The following OTUD7B variants were observed in gnomAD, a reference collection of about 807,000 sequenced individuals.
The protein encoded by OTUD7B is OTU deubiquitinase 7B, also known as OTU domain-containing protein 7B.
Under a neutral mutation model 82.2 loss-of-function variants are expected in OTUD7B, and 34 were observed. The ratio of observed to expected loss-of-function variants is 0.41; its 90% CI spans 0.31 to 0.55. OTUD7B has a LOEUF of 0.55. Ranked by LOEUF, OTUD7B falls within the 20% of genes least tolerant of loss-of-function variation. The pLI is 0.20. For synonymous variants in OTUD7B, 398 were observed against 402.7 expected, an observed-to-expected ratio of 0.99 and a Z score of 0.14; for missense variants, 944 against 1,062.1, an observed-to-expected ratio of 0.89 and a Z score of 1.55.
chr1:150,012,315 G>A (rs111319475), upstream of OTUD7B, among the ~76,000 whole-genome samples: 6 of 152,206 alleles, frequency 3.9e-5, no homozygotes, highest in South Asian at 2.1e-4. Flanking sequence ...AAAGGGTGTC[G>A]TTCTAGAAAG....
the OTUD7B span, among the ~76,000 whole-genome samples, chr1:150,043,770 T>C: frequency 1.3e-5 from 2 of 152,180 alleles, no homozygotes; most frequent in Non-Finnish European, 2.9e-5. Context: ...CATTTCCTCA[T>C]AGTCAAGGAT....
At chr1:150,018,200 G>T in the OTUD7B span, among the ~76,000 whole-genome samples, 1 of 152,196 alleles carries the variant, frequency 6.6e-6, no homozygotes, top group African/African-American at 2.4e-5. Context: ...CCTACGAAGG[G>T]ATCCATGGAT....
upstream of OTUD7B, among the ~76,000 whole-genome samples, chr1:150,011,528 G>A (rs1653063541): frequency 2.0e-5 from 3 of 152,180 alleles, no homozygotes; most frequent in Admixed American, 2.0e-4. Flanking sequence ...CTACCTGAGT[G>A]ACAATGAGCT....
the OTUD7B span, among the ~76,000 whole-genome samples, chr1:150,019,298 G>C: frequency 6.6e-6 from 1 of 152,206 alleles, no homozygotes; most frequent in Non-Finnish European, 1.5e-5. Flanking sequence ...TTCACACCCT[G>C]CCTGAAACTA....
chr1:149,990,791 T>TC (rs782562973), intron 1 of OTUD7B, among the ~76,000 whole-genome samples: 9 of 151,654 alleles, frequency 5.9e-5, no homozygotes, highest in Non-Finnish European at 1.0e-4. Context: ...AGGTCAGGAG[T>TC]TTGCGACCAG....
At chr1:150,029,877 C>T in the OTUD7B span, among the ~76,000 whole-genome samples, 2 of 152,202 alleles carry the variant, frequency 1.3e-5, no homozygotes, top group South Asian at 4.2e-4. Flanking sequence ...CTCTCCACAC[C>T]CCTCTTTTAG....
intron 3 of OTUD7B, among the ~76,000 whole-genome samples, chr1:149,968,895 G>A (rs1389814278): frequency 2.6e-5 from 4 of 151,582 alleles, no homozygotes; most frequent in Non-Finnish European, 5.9e-5. Context: ...TTTTATTTTA[G>A]CAGAGACGGG....
the OTUD7B span, among the ~76,000 whole-genome samples, chr1:150,025,945 T>G: frequency 2.0e-5 from 3 of 152,212 alleles, no homozygotes; most frequent in Non-Finnish European, 1.5e-5. Context: ...TTTGTCAGGT[T>G]GCAAGAAGGA....
upstream of OTUD7B, among the ~76,000 whole-genome samples, chr1:150,014,009 T>TAC (rs1235970964): frequency 8.4e-5 from 11 of 130,252 alleles, no homozygotes; most frequent in Non-Finnish European, 1.8e-4. Context: ...CACATATATA[T>TAC]ACACACACAT....
chr1:150,009,608 T>G (rs1553786870), intron 1 of OTUD7B, among the ~76,000 whole-genome samples: 3 of 152,124 alleles, frequency 2.0e-5, no homozygotes, highest in Non-Finnish European at 4.4e-5. Flanking sequence ...CACCAGTCAG[T>G]TTCTAATTTC....
chr1:149,992,486 T>TTTG (rs1651655687), intron 1 of OTUD7B, among the ~76,000 whole-genome samples: 2 of 1,402 alleles, frequency 1.4e-3, no homozygotes, highest in Non-Finnish European at 0.091. Flanking sequence ...TTTTTTTTTT[T>TTTG]TTTTTTTAGT....
intron 6 of OTUD7B, chr1:149,962,569 G>C (rs1357536478): frequency 1.3e-5 from 2 of 152,230 alleles, no homozygotes; most frequent in African/African-American, 4.8e-5. Flanking sequence ...CTGACTTTGA[G>C]AGGGAAAGGC....
chr1:150,055,029 G>A, the OTUD7B span: 1 of 189,748 alleles, frequency 5.3e-6, no homozygotes, highest in Non-Finnish European at 1.0e-5. Flanking sequence ...ACAAATTGGT[G>A]TTCTAAATTT....
chr1:149,953,556 TTAAAG>T lies in OTUD7B; in HGVS notation c.846-3340_846-3336del, dbSNP rs1648433868. On this transcript the variant is annotated intron_variant, in intron 7 of 11. Coordinates refer to ENST00000581312, the MANE Select transcript of OTUD7B (RefSeq NM_020205.4). ...GCTCTTTTTTGGTTCCATATGGACT[TTAAAG>T]TAGTTTTTTCCAATTCTGTGAAGAA... 3.3e-5 allele frequency among the ~76,000 whole-genome samples: 5 copies of T among 152,306 alleles called. No individual in the cohort carries two copies. The South Asian group carries it at 1.0e-3, about 32-fold the overall frequency.
chr1:149,945,460 A>G (rs1247347159), intron 11 of OTUD7B, among the ~76,000 whole-genome samples: 1 of 152,230 alleles, frequency 6.6e-6, no homozygotes, highest in Non-Finnish European at 1.5e-5. Flanking sequence ...CCCAGACATT[A>G]GAATGTTCTT....
chr1:150,042,095 G>A, the OTUD7B span, among the ~76,000 whole-genome samples: 5 of 141,154 alleles, frequency 3.5e-5, no homozygotes, highest in East Asian at 1.1e-3. Context: ...CTGGAATGCA[G>A]AGGTGCAGAC....
At chr1:149,981,453 C>T (rs1650725552) in intron 1 of OTUD7B, among the ~76,000 whole-genome samples, 1 of 152,196 alleles carries the variant, frequency 6.6e-6, no homozygotes. Context: ...CAGCCTCACA[C>T]CCCAACTATA....
the OTUD7B span, among the ~76,000 whole-genome samples, chr1:150,049,696 C>T: frequency 1.5e-5 from 2 of 136,004 alleles, no homozygotes; most frequent in African/African-American, 5.5e-5. Context: ...CTCAAGCAAT[C>T]CCCCTGCCTC....
chr1:150,014,907 A>T (rs1653223738), upstream of OTUD7B, among the ~76,000 whole-genome samples: 1 of 69,240 alleles, frequency 1.4e-5, no homozygotes, highest in South Asian at 6.8e-4. Context: ...ACTATATGTG[A>T]ATTTTGCCTC....
Sources: allele counts gnomAD v4.1 joint callset (sites outside exome capture counted in the v4.1 genomes callset), GRCh38; gene constraint gnomAD v4.1.1; transcripts MANE v1.5; gene names NCBI Gene and HGNC (gene_info 2026-07-23, HGNC 2026-07-21).